The following WHRN variants were observed in gnomAD, a reference collection of about 807,000 sequenced individuals.
The protein encoded by WHRN is whirlin, also known as CASK-interacting protein CIP98.
A neutral mutation model predicts 68.3 loss-of-function variants in WHRN; 41 were observed. The observed-to-expected ratio is 0.60, with a 90% CI of 0.47 to 0.78. The LOEUF is 0.78. Ranked by LOEUF, WHRN falls within the 30% of genes least tolerant of loss-of-function variation. WHRN has a pLI of 0.00. For missense variants in WHRN, 1,243 were observed against 1,244.7 expected (o/e 1.00, Z 0.02); for synonymous variants, 560 against 561.3 (o/e 1.00, Z 0.03).
At chr9:114,481,027 AAC>A (rs995046691) in intron 1 of WHRN, among the ~76,000 whole-genome samples, 21 of 152,234 alleles carry the variant, frequency 1.4e-4, no homozygotes, top group African/African-American at 4.6e-4. Flanking sequence ...GAGAAAAAAA[AAC>A]AATATGCCTA....
intron 1 of WHRN, among the ~76,000 whole-genome samples, chr9:114,490,709 C>A (rs1263681305): frequency 6.6e-6 from 1 of 152,042 alleles, no homozygotes; most frequent in East Asian, 1.9e-4. Context: ...ACTGTCATTG[C>A]TTCTAAATGT....
intron 1 of WHRN, among the ~76,000 whole-genome samples, chr9:114,493,828 T>C (rs1226521445): frequency 6.6e-6 from 1 of 152,034 alleles, no homozygotes; most frequent in African/African-American, 2.4e-5. Flanking sequence ...GCAGCCTAGG[T>C]TTTCTCATCA....
chr9:114,415,424 T>A (rs550684861), intron 7 of WHRN, among the ~76,000 whole-genome samples: 3 of 152,110 alleles, frequency 2.0e-5, no homozygotes, highest in Non-Finnish European at 2.9e-5. Context: ...CCTACTGGTC[T>A]CCTTCCATTC....
intron 3 of WHRN, among the ~76,000 whole-genome samples, chr9:114,464,718 A>G (rs912440387): frequency 2.0e-5 from 3 of 152,174 alleles, no homozygotes; most frequent in Admixed American, 6.5e-5. Context: ...ATTATTATAT[A>G]GTAAAGGGAA....
Position 114,406,725 on chromosome 9 carries a change from C to T in WHRN, c.1866G>A (p.Ser622=), listed in dbSNP as rs370497030. The change falls in exon 9 of 12, where the codon TCG becomes TCA. Residue 622 remains serine, a synonymous_variant. Coordinates refer to ENST00000362057, the MANE Select transcript of WHRN (RefSeq NM_015404.4). ...CTGGCGGGCTGCGGTTCTGTGGAGC[C>T]GAGAAGACAGTGCCCGAGCAGGAAG... is the stretch of plus-strand genomic sequence containing the variant. ...SMPSCSGTVF[S]APQNRSPPAG... is the part of the protein sequence containing the mutation. The T allele has an allele frequency of 5.0e-6, 8 of 1,613,956 alleles. No homozygotes were observed. The highest frequency in any genetic ancestry group is 1.6e-4 in the Middle Eastern group (1 of 6,076).
Position 114,504,811 on chromosome 9 carries a change from G to C in WHRN, c.-10C>G. ...CCAGCGGCGCGTTCATCTCCACGCC[G>C]AGGCCCGGCCGGGCTCTGAGCGCGC... On this transcript the variant is annotated 5_prime_UTR_variant, in exon 1 of 12. Coordinates refer to ENST00000362057, the MANE Select transcript of WHRN (RefSeq NM_015404.4). The C allele has an allele frequency of 1.4e-6, 2 of 1,408,726 alleles. No homozygotes were observed. Among genetic ancestry groups the C allele is most frequent in the African/African-American group, 1.5e-5 (1 of 66,006 alleles). The allele number at this position is 1,408,726 out of a possible 1,614,324, so 87.3% of individuals were successfully genotyped here.
Position 114,406,638 on chromosome 9 carries a change from A to T in WHRN, c.1953T>A (p.Tyr651Ter). 1 of 1,612,724 alleles carries T rather than the reference A, an allele frequency of 6.2e-7. No homozygotes were observed. The highest frequency in any genetic ancestry group is 8.5e-7 in the Non-Finnish European group (1 of 1,179,086). Residue 651 changes from tyrosine (Y) to a stop codon, truncating the protein, a stop_gained, in exon 9 of 12, where the codon TAT becomes TAA. Transcript: ENST00000362057. LOFTEE classifies it high-confidence loss of function. The part of the protein sequence containing the change: ...SAQDLPSSPI[Y>*]ASVSPANPSS... ...TGGGGTTGGCAGGGGAGACGGAGGC[A>T]TAGATGGGGGAAGAGGGCAAGTCCT...
intron 3 of WHRN, among the ~76,000 whole-genome samples, chr9:114,461,410 C>T (rs768337152): frequency 5.3e-4 from 80 of 152,212 alleles, no homozygotes; most frequent in Non-Finnish European, 9.1e-4. Flanking sequence ...TGTGGTTTTG[C>T]AGCCCACGTT....
intron 3 of WHRN, among the ~76,000 whole-genome samples, chr9:114,438,130 G>A (rs1838028439): frequency 6.6e-6 from 1 of 152,128 alleles, no homozygotes; most frequent in Admixed American, 6.5e-5. Flanking sequence ...AGTTACCTGG[G>A]AGGCTGAAAT....
At chr9:114,493,922 G>A (rs1291848452) in intron 1 of WHRN, among the ~76,000 whole-genome samples, 3 of 152,218 alleles carry the variant, frequency 2.0e-5, no homozygotes, top group African/African-American at 4.8e-5. Flanking sequence ...CCAGCACCAC[G>A]CTGGGCTGTA....
chr9:114,415,010 C>G (rs1835709586), intron 7 of WHRN, among the ~76,000 whole-genome samples: 1 of 152,136 alleles, frequency 6.6e-6, no homozygotes, highest in African/African-American at 2.4e-5. Flanking sequence ...AAAATGTAAA[C>G]AGAGGGCTGG....
At chr9:114,463,552 T>C (rs1478665917) in intron 3 of WHRN, among the ~76,000 whole-genome samples, 1 of 152,196 alleles carries the variant, frequency 6.6e-6, no homozygotes. Flanking sequence ...GTAGTTTGTT[T>C]AACAATATTG....
At chr9:114,420,418 T>C (rs960011270) in intron 7 of WHRN, among the ~76,000 whole-genome samples, 1 of 152,180 alleles carries the variant, frequency 6.6e-6, no homozygotes, top group Non-Finnish European at 1.5e-5. Flanking sequence ...GGGATCCGTA[T>C]TCCCAGAGAG....
intron 3 of WHRN, among the ~76,000 whole-genome samples, chr9:114,460,402 G>C (rs1234435232): frequency 6.6e-6 from 1 of 152,218 alleles, no homozygotes; most frequent in African/African-American, 2.4e-5. Flanking sequence ...AATGTGTTGA[G>C]TACAGTGCCT....
At chr9:114,482,285 C>T (rs539485986) in intron 1 of WHRN, among the ~76,000 whole-genome samples, 1 of 152,268 alleles carries the variant, frequency 6.6e-6, no homozygotes, top group Admixed American at 6.5e-5. Context: ...CCAAAAGAAA[C>T]CGTTAACATC....
intron 3 of WHRN, among the ~76,000 whole-genome samples, chr9:114,464,276 G>A (rs1183336425): frequency 1.3e-5 from 2 of 152,206 alleles, no homozygotes; most frequent in Non-Finnish European, 2.9e-5. Flanking sequence ...TGATGATAAT[G>A]ATGTTTGTCT....
At chr9:114,413,915 C>T (rs148055300) in intron 7 of WHRN, among the ~76,000 whole-genome samples, 9 of 152,186 alleles carry the variant, frequency 5.9e-5, no homozygotes, top group East Asian at 1.9e-4. Context: ...ACCTGCTCCA[C>T]GCCTCCCTCC....
intron 7 of WHRN, among the ~76,000 whole-genome samples, chr9:114,415,480 C>A (rs1835752067): frequency 6.6e-6 from 1 of 152,156 alleles, no homozygotes; most frequent in African/African-American, 2.4e-5. Flanking sequence ...TCAGACATGC[C>A]CCACCAGCTC....
intron 1 of WHRN, chr9:114,503,301 C>G (rs1844094044): frequency 1.4e-6 from 1 of 690,828 alleles, no homozygotes; most frequent in African/African-American, 1.9e-5. Context: ...CCCTTTTCCC[C>G]CAAACTCTTC....
Sources: gnomAD v4.1 joint callset for allele counts (sites outside exome capture counted in the v4.1 genomes callset) on GRCh38, gnomAD v4.1.1 for gene constraint, MANE v1.5 for transcripts, NCBI Gene and HGNC (gene_info 2026-07-23, HGNC 2026-07-21) for gene names.